MATN2: variants seen among roughly 807,000 people sequenced by gnomAD.
MATN2 encodes matrilin-2.
A neutral mutation model predicts 103.2 loss-of-function variants in MATN2; 69 were observed. The observed-to-expected ratio is 0.67, with a 90% CI of 0.55 to 0.82. MATN2 has a LOEUF of 0.82. Ranked by LOEUF, MATN2 falls within the 40% of genes least tolerant of loss-of-function variation. MATN2 has a pLI of 0.00. For missense variants in MATN2, 1,023 were observed against 1,211.5 expected (o/e 0.84, Z 2.31); for synonymous variants, 429 against 450.2 (o/e 0.95, Z 0.60).
chr8:97,944,623 A>G (rs972831621), intron 4 of MATN2, among the ~76,000 whole-genome samples: 1 of 152,158 alleles, frequency 6.6e-6, no homozygotes, highest in East Asian at 1.9e-4. Flanking sequence ...TTCCTCGCCC[A>G]TAAGATGGGA....
At chr8:97,936,224 G>A (rs1248990258) in intron 3 of MATN2, among the ~76,000 whole-genome samples, 1 of 152,150 alleles carries the variant, frequency 6.6e-6, no homozygotes, top group Non-Finnish European at 1.5e-5. Flanking sequence ...GGCTGAAAAC[G>A]CTGTCCCCAG....
chr8:97,911,249 T>C (rs548323879), intron 2 of MATN2, among the ~76,000 whole-genome samples: 8 of 151,966 alleles, frequency 5.3e-5, no homozygotes, highest in Non-Finnish European at 1.0e-4. Context: ...CGCCTCAGCC[T>C]CCAAAGTGCT....
chr8:97,870,047 G>A (rs1420280754), intron 1 of MATN2, among the ~76,000 whole-genome samples: 1 of 152,116 alleles, frequency 6.6e-6, no homozygotes, highest in Non-Finnish European at 1.5e-5. Flanking sequence ...TTAAGGAATG[G>A]GGCAGTCAAG....
At chr8:97,877,975 C>T (rs1818129857) in intron 1 of MATN2, among the ~76,000 whole-genome samples, 1 of 151,548 alleles carries the variant, frequency 6.6e-6, no homozygotes, top group Non-Finnish European at 1.5e-5. Context: ...TTCGGGATGA[C>T]TGCTGAGTAC....
chr8:97,935,117 T>C (rs1810328830), intron 3 of MATN2, among the ~76,000 whole-genome samples: 1 of 152,116 alleles, frequency 6.6e-6, no homozygotes, highest in African/African-American at 2.4e-5. Context: ...AGAGATAAGG[T>C]CTCACTATGT....
At chr8:97,905,091 G>A (rs981032529) in intron 2 of MATN2, among the ~76,000 whole-genome samples, 8 of 152,096 alleles carry the variant, frequency 5.3e-5, no homozygotes, top group African/African-American at 1.2e-4. Flanking sequence ...TAGTAGACCC[G>A]CCTCTTGATC....
Position 98,003,767 on chromosome 8 carries a change from T to C in MATN2, c.1311T>C (p.Asn437=), listed in dbSNP as rs772955516. The C allele has an allele frequency of 2.2e-5, 36 of 1,611,984 alleles. No homozygotes were observed. The highest frequency in any genetic ancestry group is 3.0e-5 in the Non-Finnish European group (35 of 1,178,810). The change falls in exon 8 of 19, where the codon AAT becomes AAC. Residue 437 remains asparagine, a synonymous_variant. Transcript: ENST00000254898. The part of the protein sequence containing the change: ...RCHRGYTLDP[N]GKTCSRVDHC... ...ACCGTGGCTACACTCTGGACCCCAA[T>C]GGCAAAACCTGCAGCCGTGAGTGTA... is the stretch of plus-strand genomic sequence containing the variant.
At chr8:98,020,479 T>A (rs946674792) in intron 12 of MATN2, among the ~76,000 whole-genome samples, 4 of 152,038 alleles carry the variant, frequency 2.6e-5, no homozygotes, top group Non-Finnish European at 2.9e-5. Context: ...ATCTGCACAC[T>A]CACACACACA....
chr8:97,897,869 A>G (rs1818863179), intron 2 of MATN2, among the ~76,000 whole-genome samples: 1 of 152,216 alleles, frequency 6.6e-6, no homozygotes. Context: ...GAAGAATCCA[A>G]AAAGCACAGC....
chr8:98,034,781 A>G (rs1011304200), intron 18 of MATN2, among the ~76,000 whole-genome samples: 1 of 152,142 alleles, frequency 6.6e-6, no homozygotes, highest in Non-Finnish European at 1.5e-5. Flanking sequence ...TTCTGACTTC[A>G]TATCTTACTT....
intron 1 of MATN2, among the ~76,000 whole-genome samples, chr8:97,877,825 A>C (rs189414991): frequency 2.0e-5 from 3 of 152,330 alleles, no homozygotes; most frequent in Admixed American, 2.0e-4. Context: ...GGGTTAAAGA[A>C]AGAAGTTTAT....
intron 2 of MATN2, among the ~76,000 whole-genome samples, chr8:97,897,931 T>C (rs1030868171): frequency 6.6e-6 from 1 of 152,222 alleles, no homozygotes; most frequent in Non-Finnish European, 1.5e-5. Context: ...GCAATGAATA[T>C]ATAACCTGAT....
chr8:97,926,862 T>C (rs1178987665), intron 2 of MATN2, among the ~76,000 whole-genome samples: 1 of 152,228 alleles, frequency 6.6e-6, no homozygotes, highest in Non-Finnish European at 1.5e-5. Flanking sequence ...TCCACAGATG[T>C]TGAATGAAGA....
chr8:98,003,646 CCTT>C lies in MATN2; in HGVS notation c.1205-10_1205-8del, dbSNP rs1282147912. The C allele has an allele frequency of 1.2e-6, 2 of 1,613,386 alleles. No homozygotes were observed. Among genetic ancestry groups the C allele is most frequent in the Non-Finnish European group, 1.7e-6 (2 of 1,179,596 alleles). The stretch of plus-strand genomic sequence containing the variant: ...GTCCAGAGTCTGAAGGAAGGTCTGC[CCTT>C]CTTCCCCTCAGGGATCAACTACTGT... On this transcript the variant is annotated splice_polypyrimidine_tract_variant and intron_variant, in intron 7 of 18. Transcript: ENST00000254898.
intron 1 of MATN2, among the ~76,000 whole-genome samples, chr8:97,876,181 ATTG>A (rs1461234234): frequency 8.5e-6 from 1 of 117,556 alleles, no homozygotes; most frequent in African/African-American, 3.6e-5. Context: ...TTGGCTAATT[ATTG>A]TATTTTTTTT....
At chr8:97,948,961 G>T (rs1028793639) in intron 4 of MATN2, among the ~76,000 whole-genome samples, 6 of 152,160 alleles carry the variant, frequency 3.9e-5, no homozygotes, top group Non-Finnish European at 8.8e-5. Context: ...CAAAACATAT[G>T]TCCAACAAAG....
At chr8:97,991,970 A>G (rs1812406287) in intron 6 of MATN2, among the ~76,000 whole-genome samples, 1 of 152,212 alleles carries the variant, frequency 6.6e-6, no homozygotes, top group South Asian at 2.1e-4. Context: ...ACGAGATACA[A>G]TCTCTGACCC....
intron 5 of MATN2, among the ~76,000 whole-genome samples, chr8:97,968,354 C>T (rs1811549700): frequency 6.6e-6 from 1 of 152,212 alleles, no homozygotes; most frequent in East Asian, 1.9e-4. Flanking sequence ...CAAGTGGTTG[C>T]TCCACAGCCT....
intron 2 of MATN2, among the ~76,000 whole-genome samples, chr8:97,908,581 C>T (rs1034579041): frequency 6.6e-6 from 1 of 152,180 alleles, no homozygotes; most frequent in African/African-American, 2.4e-5. Context: ...CTTTTATTTA[C>T]CTATTTGACC....
Sources: allele counts gnomAD v4.1 joint callset (sites outside exome capture counted in the v4.1 genomes callset), GRCh38; gene constraint gnomAD v4.1.1; transcripts MANE v1.5; gene names NCBI Gene and HGNC (gene_info 2026-07-23, HGNC 2026-07-21).